The following DYNC2H1 variants were observed in gnomAD, a reference collection of about 807,000 sequenced individuals.
The protein encoded by DYNC2H1 is cytoplasmic dynein 2 heavy chain 1.
In DYNC2H1, 410 loss-of-function variants were observed where a neutral mutation model predicts 570.0. The ratio of observed to expected loss-of-function variants is 0.72; its 90% CI spans 0.66 to 0.78. The LOEUF (loss-of-function observed/expected upper bound fraction) is 0.78, where lower values mean the gene tolerates loss of function less well. Ranked by LOEUF, DYNC2H1 falls within the 30% of genes least tolerant of loss-of-function variation. The pLI is 0.00. For synonymous variants in DYNC2H1, 1,688 were observed against 1,677.6 expected (o/e 1.01, Z -0.15); for missense variants, 4,865 against 5,046.4 (o/e 0.96, Z 1.09).
intron 85 of DYNC2H1, among the ~76,000 whole-genome samples, chr11:103,440,010 A>T (rs976006069): frequency 4.6e-5 from 7 of 152,038 alleles, no homozygotes; most frequent in Non-Finnish European, 1.0e-4. Context: ...ATCATTCTAA[A>T]TTCTAGCGTG....
chr11:103,421,909 GGTT>G (rs57453927), intron 84 of DYNC2H1, among the ~76,000 whole-genome samples: 77,346 of 147,980 alleles, frequency 0.52, 20,253 homozygotes, highest in African/African-American at 0.66. Flanking sequence ...TCCAAGAACT[GGTT>G]TTTTTTTTTT....
At chr11:103,431,782 A>G (rs548669248) in intron 84 of DYNC2H1, among the ~76,000 whole-genome samples, 2 of 152,278 alleles carry the variant, frequency 1.3e-5, no homozygotes, top group South Asian at 4.1e-4. Flanking sequence ...GCTTAAAGAA[A>G]TGGTAGTCAG....
intron 17 of DYNC2H1, among the ~76,000 whole-genome samples, chr11:103,140,521 G>T (rs1486577443): frequency 1.3e-5 from 2 of 152,150 alleles, no homozygotes; most frequent in East Asian, 3.9e-4. Context: ...CTTTTCTTTA[G>T]AATGTTGAAT....
intron 83 of DYNC2H1, among the ~76,000 whole-genome samples, chr11:103,393,688 A>G (rs529669365): frequency 6.6e-6 from 1 of 152,194 alleles, no homozygotes; most frequent in Admixed American, 6.5e-5. Context: ...CTTTCAGAAT[A>G]CTCCTGTATT....
chr11:103,113,814 T>C, intron 2 of DYNC2H1, 107 bp downstream of exon 2: 1 of 929,802 alleles, frequency 1.1e-6, no homozygotes, highest in Non-Finnish European at 1.5e-6. Context: ...TGTTTTAATT[T>C]TAATTAAAAT....
chr11:103,371,169 T>C lies in DYNC2H1; in HGVS notation c.12156+12810T>C, dbSNP rs572412681. ...GAGTTGAAAAGTGCAACTGGCATAC[T>C]GAAGAATGCATTCAAGCCTTTTGAT... On this transcript the variant is annotated intron_variant, in intron 83 of 88. Coordinates refer to ENST00000375735, the MANE Select transcript of DYNC2H1 (RefSeq NM_001377.3). 2.0e-5 allele frequency among the ~76,000 whole-genome samples: 3 copies of C among 152,182 alleles called. No individual in the cohort carries two copies. The South Asian group carries it at 6.2e-4, about 32-fold the overall frequency.
chr11:103,113,712 G>T lies in DYNC2H1; in HGVS notation c.366+5G>T. ...TTCGCACCAATGTTGTTAAAGGTGA[G>T]AAAAGAAGCTGTCATTTTTTTTAAC... On this transcript the variant is annotated splice_donor_5th_base_variant and intron_variant, in intron 2 of 88. Transcript: ENST00000375735. 2 of 1,495,990 alleles carry T rather than the reference G, an allele frequency of 1.3e-6. No homozygotes were observed. The highest frequency in any genetic ancestry group is 1.5e-5 in the South Asian group (1 of 68,122). 92.7% of individuals were successfully genotyped at this position (1,495,990 alleles called of 1,614,324 possible).
At chr11:103,400,019 T>G in intron 84 of DYNC2H1, 147 bp downstream of exon 84, 1 of 661,344 alleles carries the variant, frequency 1.5e-6, no homozygotes, top group Non-Finnish European at 2.5e-6. Context: ...TTGACTGATG[T>G]AACTGAAGAA....
intron 34 of DYNC2H1, among the ~76,000 whole-genome samples, chr11:103,171,742 A>G (rs1861582670): frequency 6.6e-6 from 1 of 152,168 alleles, no homozygotes; most frequent in East Asian, 1.9e-4. Flanking sequence ...TTGTGGCTGA[A>G]GAAACTAGGA....
chr11:103,321,607 T>G (rs1938205187), intron 81 of DYNC2H1, among the ~76,000 whole-genome samples: 1 of 152,152 alleles, frequency 6.6e-6, no homozygotes, highest in Admixed American at 6.5e-5. Context: ...AAGACAAATA[T>G]TATTTAATAA....
chr11:103,204,726 C>G lies in DYNC2H1; in HGVS notation c.8312-96C>G, dbSNP rs1862857081. The G allele has an allele frequency of 2.7e-5, 23 of 857,250 alleles. No individual in the cohort carries two copies. The highest frequency in any genetic ancestry group is 3.8e-5 in the Non-Finnish European group (22 of 575,700). 53.1% of individuals were successfully genotyped at this position (857,250 alleles called of 1,614,324 possible). A position where few individuals can be genotyped will look rare whatever the true frequency, so the allele number is the denominator to read the frequency against. ...TTTATATTGTGCTCGTTTTAAGAAA[C>G]AACTCCTACTATTTCATTTGAGAAA... On this transcript the variant is annotated intron_variant, in intron 51 of 88. Coordinates refer to ENST00000375735, the MANE Select transcript of DYNC2H1 (RefSeq NM_001377.3). The surrounding 1 kb of genome is among the most constrained non-coding windows in gnomAD (Gnocchi z 4.1).
rs1412050955 is a variant in DYNC2H1, at chr11:103,129,411, A to C, written c.1953+406A>C. Among the ~76,000 whole-genome samples the C allele has an allele frequency of 1.3e-5, 2 of 152,190 alleles. No individual in the cohort carries two copies. Among genetic ancestry groups the C allele is most frequent in the South Asian group, 2.1e-4 (1 of 4,832 alleles). ...TATAAGAAATTAGGAGGCTGGGTGCAGTGGCTTACGCCTGTCATCCCAGCA... is the reference window on the plus strand; with the variant it reads ...TATAAGAAATTAGGAGGCTGGGTGCCGTGGCTTACGCCTGTCATCCCAGCA... On this transcript the variant is annotated intron_variant, in intron 13 of 88. Transcript: ENST00000375735. The surrounding 1 kb of genome is among the most constrained non-coding windows in gnomAD (Gnocchi z 4.1).
intron 20 of DYNC2H1, among the ~76,000 whole-genome samples, chr11:103,149,912 A>G (rs572153699): frequency 6.6e-6 from 1 of 152,266 alleles, no homozygotes; most frequent in Non-Finnish European, 1.5e-5. Context: ...GAAAGATGAC[A>G]TTTGAGCTGA....
rs1858265968 is a variant in DYNC2H1 at position 103,114,275 on chromosome 11, T to G, written c.502+37T>G. On this transcript the variant is annotated intron_variant, in intron 3 of 88. Coordinates refer to ENST00000375735, the MANE Select transcript of DYNC2H1 (RefSeq NM_001377.3). ...TAGCTTAATAAAAGAGAGTACAAAA[T>G]GATTGTCTCATTAATACATTAGTAA... The G allele has an allele frequency of 2.6e-6, 4 of 1,514,450 alleles. No homozygotes were observed. The East Asian group carries it at 9.6e-5, about 36-fold the overall frequency. 93.8% of individuals were successfully genotyped at this position (1,514,450 alleles called of 1,614,324 possible).
At chr11:103,378,255 C>G (rs1941481943) in intron 83 of DYNC2H1, among the ~76,000 whole-genome samples, 2 of 152,118 alleles carry the variant, frequency 1.3e-5, no homozygotes, top group Admixed American at 1.3e-4. Flanking sequence ...TATTTATGAG[C>G]CTTATTTGTT....
chr11:103,436,990 C>T (rs562922536), intron 85 of DYNC2H1, among the ~76,000 whole-genome samples: 1 of 152,136 alleles, frequency 6.6e-6, no homozygotes, highest in South Asian at 2.1e-4. Context: ...GCGCTGCTAC[C>T]GAAACTTCAG....
chr11:103,319,963 C>G lies in DYNC2H1; in HGVS notation c.11726-1066C>G, dbSNP rs1174200075. On this transcript the variant is annotated intron_variant, in intron 80 of 88. Transcript: ENST00000375735. The surrounding 1 kb of genome is among the most constrained non-coding windows in gnomAD (Gnocchi z 4.3). ...GGTCCCCTTATCCTGCAGGAGGCAA[C>G]CTAAATCCCTTATGTTCCAAGGCAT... Among the ~76,000 whole-genome samples the G allele has an allele frequency of 6.6e-6, 1 of 152,096 alleles. No individual in the cohort carries two copies. The highest frequency in any genetic ancestry group is 2.4e-5 in the African/African-American group (1 of 41,416).
chr11:103,361,552 A>G (rs1473437458), intron 83 of DYNC2H1, among the ~76,000 whole-genome samples: 1 of 152,226 alleles, frequency 6.6e-6, no homozygotes, highest in African/African-American at 2.4e-5. Context: ...TAGAGTGGGT[A>G]TGATCTAGTT....
chr11:103,158,956 A>G lies in DYNC2H1; in HGVS notation c.4307A>G (p.Asp1436Gly), dbSNP rs1014987027. Residue 1436 changes from aspartate to glycine, a missense_variant, in exon 28 of 89, where the codon GAC becomes GGC. This residue lies in a region of DYNC2H1 where 1,936 missense variants were observed against 1,962.1 expected (regional missense o/e 0.99). Coordinates refer to ENST00000375735, the MANE Select transcript of DYNC2H1 (RefSeq NM_001377.3). ...AGATTTTATTTTATTGGTGATGATG[A>G]CTTATTAGAAATATTGGGCCAGTCT... ...FPRFYFIGDD[D>G]LLEILGQSTN... The G allele has an allele frequency of 1.8e-5, 29 of 1,613,270 alleles. No individual in the cohort carries two copies. Among genetic ancestry groups the G allele is most frequent in the Non-Finnish European group, 2.5e-5 (29 of 1,179,724 alleles).
Sources: allele counts gnomAD v4.1 joint callset (sites outside exome capture counted in the v4.1 genomes callset), GRCh38; gene constraint gnomAD v4.1.1; regional missense constraint gnomAD v4.1.1; non-coding constraint Gnocchi (gnomAD v3.1); transcripts MANE v1.5; gene names NCBI Gene and HGNC (gene_info 2026-07-23, HGNC 2026-07-21).